The following PTPRT variants were observed in gnomAD, a reference collection of about 807,000 sequenced individuals.
PTPRT encodes the protein protein tyrosine phosphatase receptor type T.
In PTPRT, 56 loss-of-function variants were observed where a neutral mutation model predicts 176.8. The ratio of observed to expected loss-of-function variants is 0.32; its 90% CI spans 0.26 to 0.40. PTPRT has a LOEUF of 0.40. Among genes scored for constraint, PTPRT ranks in the 10% least tolerant of loss-of-function variants. The pLI is 1.00. For missense variants in PTPRT, 1,540 were observed against 1,908.2 expected (o/e 0.81, Z 3.60); for synonymous variants, 783 against 739.0 (o/e 1.06, Z -0.96).
chr20:42,610,353 T>C (rs1161774278), intron 7 of PTPRT, among the ~76,000 whole-genome samples: 1 of 151,614 alleles, frequency 6.6e-6, no homozygotes, highest in Non-Finnish European at 1.5e-5. Context: ...GACATAAATA[T>C]GTAGATCTGC....
chr20:42,856,939 G>A (rs909420534), intron 2 of PTPRT, among the ~76,000 whole-genome samples: 1 of 152,118 alleles, frequency 6.6e-6, no homozygotes, highest in Non-Finnish European at 1.5e-5. Flanking sequence ...GTAAAAAGGG[G>A]CACTGGACTA....
chr20:42,846,753 G>C (rs941374695), intron 2 of PTPRT, among the ~76,000 whole-genome samples: 1 of 152,170 alleles, frequency 6.6e-6, no homozygotes. Flanking sequence ...CTGAAGTGGG[G>C]AGCTCTGGAA....
At position 42,738,108 on chromosome 20, in the gene PTPRT, C is replaced by T. The variant is rs2076564039; in HGVS notation, c.859+18354G>A. Among the ~76,000 whole-genome samples, 3 of 152,218 alleles carry T rather than the reference C, an allele frequency of 2.0e-5. No homozygotes were observed. In the South Asian group the frequency reaches 6.2e-4, roughly 32 times the overall value. The stretch of plus-strand genomic sequence containing the variant: ...ATGCCCCGGGTCCATGTGGCAAGTG[C>T]CAGAGCTGGGATCTGAATACAAGTC... On this transcript the variant is annotated intron_variant, in intron 6 of 30. Transcript: ENST00000373187.
At chr20:42,610,760 T>C (rs1317795169) in intron 7 of PTPRT, among the ~76,000 whole-genome samples, 1 of 152,238 alleles carries the variant, frequency 6.6e-6, no homozygotes, top group African/African-American at 2.4e-5. Flanking sequence ...TGAATTATCG[T>C]ATATTCACAT....
chr20:42,173,384 C>T (rs1412001912), intron 16 of PTPRT, among the ~76,000 whole-genome samples: 1 of 152,078 alleles, frequency 6.6e-6, no homozygotes, highest in Non-Finnish European at 1.5e-5. Flanking sequence ...TACCTCTTCT[C>T]CAACCAGATA....
intron 7 of PTPRT, among the ~76,000 whole-genome samples, chr20:42,635,550 A>G (rs1222142266): frequency 1.3e-5 from 2 of 152,096 alleles, no homozygotes. Context: ...TCCTTGAAAA[A>G]TTGTTATTAT....
At chr20:42,928,441 A>C (rs1218852766) in intron 1 of PTPRT, among the ~76,000 whole-genome samples, 1 of 152,186 alleles carries the variant, frequency 6.6e-6, no homozygotes, top group Non-Finnish European at 1.5e-5. Flanking sequence ...AACAGGTTGA[A>C]ATGCAGTAAG....
chr20:42,493,646 G>A (rs556222653), intron 7 of PTPRT, among the ~76,000 whole-genome samples: 6 of 152,168 alleles, frequency 3.9e-5, no homozygotes, highest in East Asian at 1.9e-4. Flanking sequence ...ACACTGAACC[G>A]GGGACTTTAT....
chr20:42,488,894 G>A (rs2071509581), intron 7 of PTPRT, among the ~76,000 whole-genome samples: 1 of 151,580 alleles, frequency 6.6e-6, no homozygotes, highest in Admixed American at 6.6e-5. Flanking sequence ...AACCTAGGAG[G>A]TGGAGGTTGC....
At chr20:42,202,411 T>C (rs1478036404) in intron 15 of PTPRT, among the ~76,000 whole-genome samples, 2 of 152,232 alleles carry the variant, frequency 1.3e-5, no homozygotes, top group Admixed American at 6.5e-5. Flanking sequence ...CTTTTCATTA[T>C]AATGCTTTGG....
chr20:42,198,731 A>G (rs1027414245), intron 16 of PTPRT, among the ~76,000 whole-genome samples: 33 of 152,298 alleles, frequency 2.2e-4, no homozygotes, highest in African/African-American at 7.7e-4. Flanking sequence ...TTGAGGGATG[A>G]GGCTTCCAAT....
At chr20:42,070,456 ATAGGGTGGGATGTCCCTCTCTG>A (rs951392386), downstream of PTPRT, among the ~76,000 whole-genome samples, 1 of 152,046 alleles carries the variant, frequency 6.6e-6, no homozygotes, top group Admixed American at 6.5e-5. Context: ...ACGGCAGCAC[ATAGGGTGGGATGTCCCTCTCTG>A]CTAACGTTGA....
intron 6 of PTPRT, among the ~76,000 whole-genome samples, chr20:42,739,880 C>G (rs900319370): frequency 2.0e-5 from 3 of 152,204 alleles, no homozygotes; most frequent in Non-Finnish European, 4.4e-5. Context: ...GGGAGCCCCA[C>G]CTATGCATGT....
At chr20:42,888,251 C>T (rs1304042748) in intron 1 of PTPRT, among the ~76,000 whole-genome samples, 1 of 151,464 alleles carries the variant, frequency 6.6e-6, no homozygotes, top group Non-Finnish European at 1.5e-5. Flanking sequence ...CTTTTCTTGT[C>T]ATATGCCACT....
chr20:42,149,276 G>A (rs986810940), intron 17 of PTPRT, among the ~76,000 whole-genome samples: 2 of 152,210 alleles, frequency 1.3e-5, no homozygotes, highest in Non-Finnish European at 2.9e-5. Context: ...CCTCTAGAAA[G>A]GGAGGCTCTC....
At chr20:43,016,418 G>A (rs1985373528) in intron 1 of PTPRT, among the ~76,000 whole-genome samples, 1 of 151,088 alleles carries the variant, frequency 6.6e-6, no homozygotes, top group Non-Finnish European at 1.5e-5. Flanking sequence ...TTCCTCCCTG[G>A]ACTGTGGTCT....
intron 7 of PTPRT, among the ~76,000 whole-genome samples, chr20:42,481,785 C>T (rs1465695071): frequency 6.7e-6 from 1 of 148,328 alleles, no homozygotes; most frequent in African/African-American, 2.6e-5. Flanking sequence ...CAAACACACA[C>T]ACACACACAC....
chr20:42,684,832 T>C (rs2075664379), intron 6 of PTPRT, among the ~76,000 whole-genome samples: 2 of 152,178 alleles, frequency 1.3e-5, no homozygotes, highest in Admixed American at 1.3e-4. Flanking sequence ...GACTTTATCA[T>C]TACAGTTTCA....
intron 9 of PTPRT, among the ~76,000 whole-genome samples, chr20:42,360,793 A>T (rs1382637778): frequency 1.3e-5 from 2 of 152,182 alleles, no homozygotes. Context: ...TGCTCATTGG[A>T]ACCCTGCAGC....
Sources: allele counts gnomAD v4.1 joint callset (sites outside exome capture counted in the v4.1 genomes callset), GRCh38; gene constraint gnomAD v4.1.1; transcripts MANE v1.5; gene names NCBI Gene and HGNC (gene_info 2026-07-23, HGNC 2026-07-21).